SDK1: variants seen among roughly 807,000 people sequenced by gnomAD.
SDK1 encodes the protein protein sidekick-1.
SDK1 carries 157 observed loss-of-function variants against 245.5 expected under a neutral mutation model. The ratio of observed to expected loss-of-function variants is 0.64; its 90% CI spans 0.56 to 0.73. SDK1 has a LOEUF of 0.73. Ranked by LOEUF, SDK1 falls within the 30% of genes least tolerant of loss-of-function variation. The pLI, the probability that SDK1 is intolerant of heterozygous loss-of-function variation, is 0.00. For missense variants in SDK1, 3,583 were observed against 3,002.3 expected (o/e 1.19, Z -4.52); for synonymous variants, 1,647 against 1,278.5 (o/e 1.29, Z -6.15).
intron 5 of SDK1, among the ~76,000 whole-genome samples, chr7:3,894,039 T>A (rs1234924257): frequency 1.1e-4 from 16 of 152,180 alleles, no homozygotes; most frequent in Non-Finnish European, 1.5e-5. Flanking sequence ...ATGGGAAGTT[T>A]TGTAAGCAAT....
chr7:3,683,781 A>T (rs544077992), intron 4 of SDK1, among the ~76,000 whole-genome samples: 21 of 152,232 alleles, frequency 1.4e-4, no homozygotes, highest in Admixed American at 2.6e-4. Flanking sequence ...TACACGGCAC[A>T]TGTCCTAACA....
At chr7:3,572,998 C>T (rs952355874) in intron 1 of SDK1, among the ~76,000 whole-genome samples, 3 of 151,978 alleles carry the variant, frequency 2.0e-5, no homozygotes, top group African/African-American at 7.2e-5. Context: ...GGGGTGACCA[C>T]CCAAAAGTGA....
chr7:3,311,149 C>A (rs926980940), intron 1 of SDK1, among the ~76,000 whole-genome samples: 7 of 151,950 alleles, frequency 4.6e-5, no homozygotes, highest in Non-Finnish European at 1.0e-4. Context: ...ATTAGCCTGG[C>A]TGGGATACAA....
intron 4 of SDK1, among the ~76,000 whole-genome samples, chr7:3,680,193 C>G (rs1784057548): frequency 6.6e-6 from 1 of 152,154 alleles, no homozygotes; most frequent in African/African-American, 2.4e-5. Flanking sequence ...TCTCCAATCT[C>G]AAAAGGCTTT....
rs202193043 is a variant in SDK1, at chr7:4,145,824, C to T, written c.4331C>T (p.Pro1444Leu). The change falls in exon 29 of 45, where the codon CCG becomes CTG. Residue 1444 changes from proline to leucine, a missense_variant. Physicochemically the swap from Pro to Leu is moderately conservative, Grantham distance 98. Coordinates refer to ENST00000404826, the MANE Select transcript of SDK1 (RefSeq NM_152744.4). ...CAGTTCACAGCCACCGACCTGGCCCCGGAGTCCGCATACATCTTCAGGCTG... is the reference window on the plus strand; with the variant it reads ...CAGTTCACAGCCACCGACCTGGCCCTGGAGTCCGCATACATCTTCAGGCTG... ...VRQFTATDLA[P>L]ESAYIFRLSA... 30 of 1,613,710 alleles carry T rather than the reference C, an allele frequency of 1.9e-5. No individual in the cohort carries two copies. The highest frequency in any genetic ancestry group is 5.0e-5 in the Admixed American group (3 of 59,974).
At chr7:3,481,654 C>A (rs928261820) in intron 1 of SDK1, among the ~76,000 whole-genome samples, 1 of 152,218 alleles carries the variant, frequency 6.6e-6, no homozygotes. Flanking sequence ...CACTGTGTCC[C>A]TTGGGAAAGG....
chr7:3,597,271 C>CA (rs59830553), intron 1 of SDK1, among the ~76,000 whole-genome samples: 3,270 of 89,282 alleles, frequency 0.037, 64 homozygotes, highest in Non-Finnish European at 0.049. Context: ...GACTTGGTCT[C>CA]AAAAAAAAAA....
intron 1 of SDK1, among the ~76,000 whole-genome samples, chr7:3,476,522 A>T (rs1781352152): frequency 6.6e-6 from 1 of 152,170 alleles, no homozygotes; most frequent in South Asian, 2.1e-4. Context: ...CTAATACCTT[A>T]TTACCAAAAA....
At chr7:3,358,078 G>C (rs566673529) in intron 1 of SDK1, among the ~76,000 whole-genome samples, 2 of 152,036 alleles carry the variant, frequency 1.3e-5, no homozygotes, top group Admixed American at 1.3e-4. Context: ...CTGGAGTGCA[G>C]TGACAGGATC....
At chr7:4,139,042 T>C (rs1779284148) in intron 28 of SDK1, among the ~76,000 whole-genome samples, 1 of 152,234 alleles carries the variant, frequency 6.6e-6, no homozygotes, top group Non-Finnish European at 1.5e-5. Context: ...GGGCGCACAC[T>C]GCAGCTCCCC....
intron 19 of SDK1, among the ~76,000 whole-genome samples, chr7:4,060,372 C>T (rs1779461416): frequency 6.6e-6 from 1 of 152,174 alleles, no homozygotes; most frequent in African/African-American, 2.4e-5. Flanking sequence ...TAATAAAGAT[C>T]AGAGCAGACC....
intron 4 of SDK1, among the ~76,000 whole-genome samples, chr7:3,764,488 C>G (rs1780195251): frequency 6.6e-6 from 1 of 152,074 alleles, no homozygotes; most frequent in Non-Finnish European, 1.5e-5. Context: ...GAGTTCGAGA[C>G]CAGCCTGACC....
intron 2 of SDK1, among the ~76,000 whole-genome samples, chr7:3,621,350 A>G (rs1322003734): frequency 6.6e-6 from 1 of 152,174 alleles, no homozygotes; most frequent in Non-Finnish European, 1.5e-5. Flanking sequence ...TTTCCATTGG[A>G]AAAATGAGTA....
intron 1 of SDK1, among the ~76,000 whole-genome samples, chr7:3,309,696 A>G (rs1021479190): frequency 6.6e-6 from 1 of 152,174 alleles, no homozygotes; most frequent in Non-Finnish European, 1.5e-5. Flanking sequence ...AGAACATAAA[A>G]GAAAACATGG....
chr7:3,402,073 T>G (rs1583804846), intron 1 of SDK1, among the ~76,000 whole-genome samples: 3 of 152,226 alleles, frequency 2.0e-5, no homozygotes, highest in South Asian at 2.1e-4. Context: ...CTCAATCTGG[T>G]TTCTGAGGTT....
chr7:4,159,575 T>C (rs531634989), intron 31 of SDK1, among the ~76,000 whole-genome samples: 1 of 152,136 alleles, frequency 6.6e-6, no homozygotes, highest in African/African-American at 2.4e-5. Context: ...CCTGGGAGTT[T>C]ATTGGAGCTT....
At chr7:3,336,606 C>G (rs755568222) in intron 1 of SDK1, among the ~76,000 whole-genome samples, 1 of 151,816 alleles carries the variant, frequency 6.6e-6, no homozygotes. Context: ...CTCCCCACCT[C>G]CCCGCCCCTC....
At chr7:3,912,650 T>C (rs566375962) in intron 5 of SDK1, among the ~76,000 whole-genome samples, 1 of 152,288 alleles carries the variant, frequency 6.6e-6, no homozygotes, top group South Asian at 2.1e-4. Context: ...GCTTCTGGGC[T>C]CTCCTGCCCC....
intron 4 of SDK1, among the ~76,000 whole-genome samples, chr7:3,644,105 G>C (rs1041703538): frequency 2.7e-5 from 4 of 150,790 alleles, no homozygotes; most frequent in African/African-American, 7.3e-5. Context: ...GTTTTACCAT[G>C]TGTCCAGGCT....
Sources: allele counts gnomAD v4.1 joint callset (sites outside exome capture counted in the v4.1 genomes callset), GRCh38; gene constraint gnomAD v4.1.1; transcripts MANE v1.5; gene names NCBI Gene and HGNC (gene_info 2026-07-23, HGNC 2026-07-21).